Variants in POGLUT1 observed in about 807,000 individuals in gnomAD.
The protein encoded by POGLUT1 is 9630046K23Rik.
In POGLUT1, 32 loss-of-function variants were observed where a neutral mutation model predicts 61.3. That is an observed-to-expected ratio of 0.52 (90% CI 0.39 to 0.70). The LOEUF (loss-of-function observed/expected upper bound fraction) is 0.70. Ranked by LOEUF, POGLUT1 falls within the 30% of genes least tolerant of loss-of-function variation. The pLI is 0.00. For missense variants in POGLUT1, 411 were observed against 469.8 expected (o/e 0.87, Z 1.16); for synonymous variants, 158 against 158.2 (o/e 1.00, Z 0.01).
At chr3:119,471,985 T>G (rs1361541274) in intron 3 of POGLUT1, among the ~76,000 whole-genome samples, 1 of 151,846 alleles carries the variant, frequency 6.6e-6, no homozygotes. Context: ...TACAACAGAG[T>G]GAGACCCTGT....
intron 1 of POGLUT1, 73 bp downstream of exon 1, chr3:119,469,179 G>A (rs2081435607): frequency 8.2e-7 from 1 of 1,220,748 alleles, no homozygotes; most frequent in African/African-American, 1.5e-5. Context: ...GCTCCCCCGC[G>A]CGGCCGGCTC....
At chr3:119,490,392 C>A in intron 8 of POGLUT1, 159 bp from the exon 9 acceptor site, 1 of 660,724 alleles carries the variant, frequency 1.5e-6, no homozygotes, top group South Asian at 1.9e-5. Flanking sequence ...TGATAGAAAC[C>A]ACTTAGGAAC....
chr3:119,478,363 G>A (rs1294645431), intron 4 of POGLUT1: 1 of 456,644 alleles, frequency 2.2e-6, no homozygotes, highest in African/African-American at 2.0e-5. Context: ...TTGCAAGTGG[G>A]CAGAGGCCAC....
At chr3:119,486,361 G>A (rs1428042480) in intron 6 of POGLUT1, among the ~76,000 whole-genome samples, 1 of 152,090 alleles carries the variant, frequency 6.6e-6, no homozygotes, top group Non-Finnish European at 1.5e-5. Context: ...TCCACATACA[G>A]TCGTCAGGTT....
chr3:119,492,342 C>T lies in POGLUT1; in HGVS notation c.1083C>T (p.Asn361=), dbSNP rs1243071752. 1 of 1,609,062 alleles carries T rather than the reference C, an allele frequency of 6.2e-7. No individual in the cohort carries two copies. The highest frequency in any genetic ancestry group is 1.3e-5 in the African/African-American group (1 of 74,704). The part of the protein sequence containing the change: ...QMDDITCYWE[N]LLSEYSKFLS... ...ATGACATCACCTGTTACTGGGAGAA[C>T]CTCTTGAGTGAATACTCTAAATTCC... The change falls in exon 11 of 11, where the codon AAC becomes AAT. Residue 361 remains asparagine, a synonymous_variant. Coordinates refer to ENST00000295588, the MANE Select transcript of POGLUT1 (RefSeq NM_152305.3).
Position 119,492,675 on chromosome 3 carries a change from G to T in POGLUT1, c.*237G>T. 2 of 250,756 alleles carry T rather than the reference G, an allele frequency of 8.0e-6. No homozygotes were observed. The highest frequency in any genetic ancestry group is 1.5e-4 in the East Asian group (2 of 13,660). The allele number at this position is 250,756 out of a possible 1,614,324, so 15.5% of individuals were successfully genotyped here. A position where few individuals can be genotyped will look rare whatever the true frequency, so the allele number is the denominator to read the frequency against. Reference sequence around the variant, plus strand: ...GAATAAGGACCAGAAATCGTGAGATGTGGATTTTGAACCCAACTCTACCTT... The same window carrying T: ...GAATAAGGACCAGAAATCGTGAGATTTGGATTTTGAACCCAACTCTACCTT... On this transcript the variant is annotated 3_prime_UTR_variant, in exon 11 of 11. Transcript: ENST00000295588.
At chr3:119,469,735 G>GTCTTCTGTT in intron 1 of POGLUT1, 85 bp from the exon 2 acceptor site, 1 of 705,800 alleles carries the variant, frequency 1.4e-6, no homozygotes, top group Non-Finnish European at 2.5e-6. Context: ...GAAAGTTTTG[G>GTCTTCTGTT]TCTTCTGTTT....
chr3:119,471,385 C>G lies in POGLUT1; in HGVS notation c.253C>G (p.Leu85Val). 1 of 1,613,814 alleles carries G rather than the reference C, an allele frequency of 6.2e-7. No individual in the cohort carries two copies. Among genetic ancestry groups the G allele is most frequent in the Non-Finnish European group, 8.5e-7 (1 of 1,179,710 alleles). Residue 85 changes from leucine (L) to valine (V), a missense_variant, in exon 3 of 11, where the codon CTA becomes GTA. By Grantham distance (32) the Leu-to-Val change is conservative. Transcript: ENST00000295588. Reference sequence around the variant, plus strand: ...GATGGCAGAGGTAGTCAGACGGAAGCTAGGGACCCACTATCAGATCACTAA... The same window carrying G: ...GATGGCAGAGGTAGTCAGACGGAAGGTAGGGACCCACTATCAGATCACTAA... The part of the protein sequence containing the change: ...KMMAEVVRRK[L>V]GTHYQITKNR...
chr3:119,475,822 A>T (rs1301735576), intron 3 of POGLUT1, among the ~76,000 whole-genome samples: 2 of 151,084 alleles, frequency 1.3e-5, no homozygotes, highest in Middle Eastern at 3.5e-3. Context: ...AAAAAAAAAA[A>T]AAAATCTTGA....
At chr3:119,490,379 G>A (rs73187883) in intron 8 of POGLUT1, 172 bp from the exon 9 acceptor site, 20 of 619,614 alleles carry the variant, frequency 3.2e-5, no homozygotes, top group Non-Finnish European at 4.9e-5. Flanking sequence ...CTGGTAAAGT[G>A]GCTGATAGAA....
At chr3:119,485,161 C>G (rs1577084912) in intron 5 of POGLUT1, among the ~76,000 whole-genome samples, 167 bp from the exon 6 acceptor site, 1 of 151,498 alleles carries the variant, frequency 6.6e-6, no homozygotes, top group Admixed American at 6.6e-5. Flanking sequence ...AGCTTGCAGT[C>G]AGCCAAGATC....
rs1167707834 is a variant in POGLUT1, at chr3:119,489,627, G to GT, written c.797+652dup. 1.5e-3 allele frequency: 213 copies of GT among 139,822 alleles called. 2 individuals are homozygous for GT. Among genetic ancestry groups the GT allele is most frequent in the Middle Eastern group, 3.6e-3 (1 of 280 alleles). The allele number at this position is 139,822 out of a possible 1,614,324, so 8.7% of individuals were successfully genotyped here. ...TGCTGAGAAGAAGACAGCTTTTTTTGTTTTTTTTTTTTCCCCTGTGGGCAA... is the reference window on the plus strand; with the variant it reads ...TGCTGAGAAGAAGACAGCTTTTTTTGTTTTTTTTTTTTTCCCCTGTGGGCAA... On this transcript the variant is annotated intron_variant, in intron 8 of 10. Transcript: ENST00000295588.
At chr3:119,484,944 C>T (rs961385883) in intron 5 of POGLUT1, among the ~76,000 whole-genome samples, 1 of 152,194 alleles carries the variant, frequency 6.6e-6, no homozygotes, top group Non-Finnish European at 1.5e-5. Flanking sequence ...TGGCCAGGCA[C>T]AGTGGCTCAC....
chr3:119,470,584 G>A (rs2081458562), intron 2 of POGLUT1, among the ~76,000 whole-genome samples: 2 of 152,068 alleles, frequency 1.3e-5, no homozygotes, highest in Non-Finnish European at 1.5e-5. Context: ...TCAAAAAAGA[G>A]AGAGAATGCA....
chr3:119,476,389 T>C (rs536124233), intron 3 of POGLUT1, among the ~76,000 whole-genome samples: 1 of 152,284 alleles, frequency 6.6e-6, no homozygotes, highest in Non-Finnish European at 1.5e-5. Flanking sequence ...CATCTTTTCC[T>C]ATGTTTGTGA....
At chr3:119,473,648 T>A (rs540935096) in intron 3 of POGLUT1, among the ~76,000 whole-genome samples, 1 of 151,352 alleles carries the variant, frequency 6.6e-6, no homozygotes, top group East Asian at 1.9e-4. Flanking sequence ...AATATCTTTC[T>A]ACGTCTAGAT....
chr3:119,485,754 A>G (rs2081657226), intron 6 of POGLUT1, among the ~76,000 whole-genome samples: 1 of 152,194 alleles, frequency 6.6e-6, no homozygotes, highest in Admixed American at 6.5e-5. Context: ...GCAGAGCAGG[A>G]CTCATCACCA....
At chr3:119,482,375 G>A (rs2081615146) in intron 5 of POGLUT1, among the ~76,000 whole-genome samples, 2 of 151,012 alleles carry the variant, frequency 1.3e-5, no homozygotes, top group South Asian at 4.2e-4. Flanking sequence ...ACATATGAAA[G>A]AGTCACTTTA....
At chr3:119,477,677 G>C (rs2081555099) in intron 4 of POGLUT1, among the ~76,000 whole-genome samples, 1 of 152,242 alleles carries the variant, frequency 6.6e-6, no homozygotes, top group South Asian at 2.1e-4. Flanking sequence ...TATAGGGCTA[G>C]AGATGGAGGC....
Sources: allele counts gnomAD v4.1 joint callset (sites outside exome capture counted in the v4.1 genomes callset), GRCh38; gene constraint gnomAD v4.1.1; transcripts MANE v1.5; gene names NCBI Gene and HGNC (gene_info 2026-07-23, HGNC 2026-07-21).